Variants in CBL observed in about 807,000 individuals in gnomAD.
CBL encodes the protein Cbl proto-oncogene, also known as E3 ubiquitin-protein ligase CBL.
CBL carries 45 observed loss-of-function variants against 96.9 expected under a neutral mutation model. The ratio of observed to expected loss-of-function variants is 0.46; its 90% CI spans 0.37 to 0.60. The LOEUF (loss-of-function observed/expected upper bound fraction) is 0.60. CBL is among the 20% of genes least tolerant of loss of function. CBL has a pLI of 0.00. For missense variants in CBL, 1,024 were observed against 1,143.5 expected (o/e 0.90, Z 1.51); for synonymous variants, 420 against 426.8 (o/e 0.98, Z 0.20).
intron 12 of CBL, among the ~76,000 whole-genome samples, chr11:119,290,595 G>A (rs1017191365): frequency 2.1e-5 from 3 of 139,760 alleles, no homozygotes; most frequent in African/African-American, 8.0e-5. Context: ...ACTCCAGCCT[G>A]GGCGACAGAG....
chr11:119,228,706 A>T (rs1439868780), intron 1 of CBL, among the ~76,000 whole-genome samples: 1 of 151,550 alleles, frequency 6.6e-6, no homozygotes, highest in African/African-American at 2.4e-5. Flanking sequence ...CTGCAGCCTC[A>T]GACTCTTGGA....
chr11:119,284,323 C>T (rs751222614), intron 9 of CBL, among the ~76,000 whole-genome samples: 1 of 151,246 alleles, frequency 6.6e-6, no homozygotes, highest in African/African-American at 2.4e-5. Flanking sequence ...TTATTTTTGT[C>T]GAGACAGGCT....
intron 2 of CBL, among the ~76,000 whole-genome samples, chr11:119,250,177 G>C (rs544044818): frequency 1.2e-4 from 18 of 152,304 alleles, no homozygotes; most frequent in Non-Finnish European, 2.5e-4. Context: ...ACATGGAATA[G>C]TTTGATCCTT....
chr11:119,223,597 A>AT (rs994628393), intron 1 of CBL, among the ~76,000 whole-genome samples: 2 of 145,350 alleles, frequency 1.4e-5, no homozygotes, highest in Non-Finnish European at 3.0e-5. Context: ...GCCCGGCTAA[A>AT]TTTTTTTTTA....
At position 119,276,017 on chromosome 11, in the gene CBL, G is replaced by A. The variant is rs200139643; in HGVS notation, c.890G>A (p.Cys297Tyr). Residue 297 changes from cysteine to tyrosine, a missense_variant, in exon 6 of 16, where the codon TGT becomes TAT. By Grantham distance (194) the Cys-to-Tyr change is radical. Transcript: ENST00000264033. The stretch of plus-strand genomic sequence containing the variant: ...CATAGTTATATCTTCCGGCTGAGCT[G>A]TACTCGTCTGGGTCAGTGGGCTATT... ...KPGSYIFRLS[C>Y]TRLGQWAIGY... 1 of 1,614,078 alleles carries A rather than the reference G, an allele frequency of 6.2e-7. No individual in the cohort carries two copies. Among genetic ancestry groups the A allele is most frequent in the Admixed American group, 1.7e-5 (1 of 60,022 alleles).
intron 7 of CBL, 55 bp downstream of exon 7, chr11:119,277,899 C>A: frequency 8.5e-7 from 1 of 1,176,902 alleles, no homozygotes; most frequent in Non-Finnish European, 1.3e-6. Context: ...TTAGTATATT[C>A]TTTATAGAAC....
chr11:119,217,001 T>A (rs1310743835), intron 1 of CBL, among the ~76,000 whole-genome samples: 1 of 152,266 alleles, frequency 6.6e-6, no homozygotes, highest in Non-Finnish European at 1.5e-5. Flanking sequence ...TAATTTGTTA[T>A]ATTGTAGAGC....
At chr11:119,263,616 C>T (rs1173394511) in intron 2 of CBL, among the ~76,000 whole-genome samples, 2 of 152,264 alleles carry the variant, frequency 1.3e-5, no homozygotes, top group East Asian at 3.9e-4. Context: ...GATGTATTGG[C>T]TGAGAACTCC....
intron 2 of CBL, among the ~76,000 whole-genome samples, chr11:119,264,333 C>G (rs1338577466): frequency 6.6e-6 from 1 of 151,744 alleles, no homozygotes; most frequent in Non-Finnish European, 1.5e-5. Flanking sequence ...GCTGGGATTA[C>G]AGGTGTGAGT....
chr11:119,287,830 A>C, intron 11 of CBL, 22 bp from the exon 12 acceptor site: 1 of 1,532,400 alleles, frequency 6.5e-7, no homozygotes, highest in Non-Finnish European at 9.0e-7. Flanking sequence ...GTTGTTTTTC[A>C]ACACTTTTCT....
intron 1 of CBL, among the ~76,000 whole-genome samples, chr11:119,223,390 A>G (rs2135258985): frequency 6.7e-6 from 1 of 148,738 alleles, no homozygotes; most frequent in East Asian, 2.0e-4. Flanking sequence ...TTTGTTTTAT[A>G]TTTTATTTTG....
chr11:119,262,473 G>A (rs1019827515), intron 2 of CBL, among the ~76,000 whole-genome samples: 1 of 152,188 alleles, frequency 6.6e-6, no homozygotes, highest in African/African-American at 2.4e-5. Flanking sequence ...AACATTAGGG[G>A]AAACTGAAAC....
intron 12 of CBL, 110 bp from the exon 13 acceptor site, chr11:119,296,808 A>G (rs1023238115): frequency 2.8e-6 from 2 of 703,610 alleles, no homozygotes; most frequent in East Asian, 2.7e-5. Flanking sequence ...GGTGACATGT[A>G]TTTTGCTCTG....
chr11:119,258,033 C>A (rs1949723864), intron 2 of CBL, among the ~76,000 whole-genome samples: 2 of 151,940 alleles, frequency 1.3e-5, no homozygotes, highest in South Asian at 2.1e-4. Context: ...TCGAGACCAC[C>A]CTGGCCAAAA....
At position 119,297,416 on chromosome 11, in the gene CBL, G is replaced by C; in HGVS notation, c.2186G>C (p.Cys729Ser). 6.2e-7 allele frequency: 1 copy of C among 1,613,772 alleles called. No individual in the cohort carries two copies. Residue 729 changes from cysteine to serine, a missense_variant, in exon 14 of 16, where the codon TGT (cysteine) becomes TCT (serine). Physicochemically the swap from Cys to Ser is moderately radical, Grantham distance 112. Coordinates refer to ENST00000264033, the MANE Select transcript of CBL (RefSeq NM_005188.4). ...ACDCDQQIDS[C>S]TYEAMYNIQS... ...GATTGCGACCAGCAGATTGATAGCTGTACGTATGAAGCAATGTATAATATT... is the reference window on the plus strand; with the variant it reads ...GATTGCGACCAGCAGATTGATAGCTCTACGTATGAAGCAATGTATAATATT...
intron 1 of CBL, among the ~76,000 whole-genome samples, chr11:119,211,956 G>A (rs994858570): frequency 6.6e-6 from 1 of 151,972 alleles, no homozygotes; most frequent in African/African-American, 2.4e-5. Context: ...TTCCACTATT[G>A]TTGCCCAGAC....
At chr11:119,260,937 T>G (rs1234910513) in intron 2 of CBL, among the ~76,000 whole-genome samples, 2 of 138,186 alleles carry the variant, frequency 1.4e-5, no homozygotes, top group African/African-American at 2.8e-5. Context: ...GTTAAATCTC[T>G]ACTTTTTTTT....
Position 119,230,043 on chromosome 11 carries a change from G to T in CBL, c.196-2405G>T, listed in dbSNP as rs1949489097. On this transcript the variant is annotated intron_variant, in intron 1 of 15. Transcript: ENST00000264033. ...TGAAAACAAAAGAAATGTTAAAGTTGGGGGGAGATGGTTAAGATATGTTAT... is the reference window on the plus strand; with the variant it reads ...TGAAAACAAAAGAAATGTTAAAGTTTGGGGGAGATGGTTAAGATATGTTAT... 2.6e-5 allele frequency among the ~76,000 whole-genome samples: 4 copies of T among 151,600 alleles called. No homozygotes were observed. The South Asian group carries it at 8.3e-4, about 31-fold the overall frequency.
intron 9 of CBL, among the ~76,000 whole-genome samples, chr11:119,283,171 A>G (rs1378878214): frequency 6.6e-6 from 1 of 152,244 alleles, no homozygotes; most frequent in Non-Finnish European, 1.5e-5. Flanking sequence ...TTAGGGAAAA[A>G]TCAGCAGGAT....
Sources: gnomAD v4.1 joint callset for allele counts (sites outside exome capture counted in the v4.1 genomes callset) on GRCh38, gnomAD v4.1.1 for gene constraint, MANE v1.5 for transcripts, NCBI Gene and HGNC (gene_info 2026-07-23, HGNC 2026-07-21) for gene names.